Variants in GRM5 observed in about 807,000 individuals in gnomAD.
The protein encoded by GRM5 is metabotropic glutamate receptor 5.
Under a neutral mutation model 83.1 loss-of-function variants are expected in GRM5, and 19 were observed. That is an observed-to-expected ratio of 0.23 (90% CI 0.16 to 0.34). GRM5 has a LOEUF of 0.34. GRM5 is among the 10% of genes least tolerant of loss of function. GRM5 has a pLI of 1.00. For missense variants in GRM5, 1,160 were observed against 1,588.3 expected, an observed-to-expected ratio of 0.73 and a Z score of 4.58; for synonymous variants, 675 against 633.6, an observed-to-expected ratio of 1.07 and a Z score of -0.98.
At chr11:88,525,148 G>A (rs188111605) in intron 9 of GRM5, among the ~76,000 whole-genome samples, 161 bp downstream of exon 9, 10 of 152,282 alleles carry the variant, frequency 6.6e-5, no homozygotes, top group African/African-American at 2.2e-4. Context: ...GGTGTCATAG[G>A]TTTTGCAAAT....
At chr11:88,615,364 C>T (rs559050410) in intron 4 of GRM5, among the ~76,000 whole-genome samples, 1 of 152,192 alleles carries the variant, frequency 6.6e-6, no homozygotes, top group South Asian at 2.1e-4. Flanking sequence ...CATTTTGATG[C>T]TTATGTATTT....
intron 1 of GRM5, among the ~76,000 whole-genome samples, chr11:89,063,999 C>T (rs79192067): frequency 0.1 from 15,498 of 152,168 alleles, 1,871 homozygotes; most frequent in African/African-American, 0.29. Context: ...CCTGTGCCTT[C>T]CTCAGACAGG....
chr11:88,850,278 C>A, intron 2 of GRM5, 123 bp from the exon 3 acceptor site: 1 of 804,110 alleles, frequency 1.2e-6, no homozygotes, highest in East Asian at 2.5e-5. Flanking sequence ...AACCTGAAGA[C>A]CTGAATTTTG....
At chr11:88,727,855 C>T (rs1221273470) in intron 3 of GRM5, among the ~76,000 whole-genome samples, 4 of 152,136 alleles carry the variant, frequency 2.6e-5, no homozygotes, top group Admixed American at 1.3e-4. Flanking sequence ...CACAACGTAC[C>T]AGAATCTCTG....
chr11:88,960,789 C>A (rs1165405000), intron 2 of GRM5, among the ~76,000 whole-genome samples: 7 of 152,144 alleles, frequency 4.6e-5, no homozygotes, highest in Non-Finnish European at 8.8e-5. Context: ...AATAACATCA[C>A]AGATCTGAAA....
At chr11:88,951,627 C>G (rs980236868) in intron 2 of GRM5, among the ~76,000 whole-genome samples, 2 of 152,188 alleles carry the variant, frequency 1.3e-5, no homozygotes, top group Non-Finnish European at 2.9e-5. Context: ...GAAATATTGT[C>G]TATTTAACAG....
intron 3 of GRM5, among the ~76,000 whole-genome samples, chr11:88,783,587 C>A (rs1943014063): frequency 6.6e-6 from 1 of 151,964 alleles, no homozygotes; most frequent in Non-Finnish European, 1.5e-5. Flanking sequence ...AAACAATAAC[C>A]ATGATTTTCC....
chr11:88,787,598 T>C (rs1199479471), intron 3 of GRM5, among the ~76,000 whole-genome samples: 2 of 152,098 alleles, frequency 1.3e-5, no homozygotes, highest in East Asian at 3.9e-4. Context: ...ACTGGAATAA[T>C]AGGAGGCTCT....
chr11:88,668,016 A>T (rs1940088810), intron 3 of GRM5, among the ~76,000 whole-genome samples: 1 of 152,194 alleles, frequency 6.6e-6, no homozygotes, highest in South Asian at 2.1e-4. Flanking sequence ...CACAAGTTAT[A>T]CACTAAAAAG....
chr11:88,882,634 C>G (rs2135574908), intron 2 of GRM5, among the ~76,000 whole-genome samples: 1 of 151,536 alleles, frequency 6.6e-6, no homozygotes, highest in Non-Finnish European at 1.5e-5. Flanking sequence ...GTGGAGACTA[C>G]AATTTATTTA....
At chr11:88,714,653 A>G (rs1941360845) in intron 3 of GRM5, among the ~76,000 whole-genome samples, 1 of 151,856 alleles carries the variant, frequency 6.6e-6, no homozygotes, top group Admixed American at 6.6e-5. Flanking sequence ...AAGTGCATTT[A>G]CAGTCACTTC....
At chr11:88,941,558 GGA>G in intron 2 of GRM5, among the ~76,000 whole-genome samples, 1 of 92,586 alleles carries the variant, frequency 1.1e-5, no homozygotes, top group African/African-American at 4.0e-5. Flanking sequence ...AGGAGGAGGA[GGA>G]GAGGAGGAGA....
chr11:88,562,286 A>G (rs1042653418), intron 8 of GRM5, among the ~76,000 whole-genome samples: 1 of 152,116 alleles, frequency 6.6e-6, no homozygotes, highest in African/African-American at 2.4e-5. Flanking sequence ...TAATTTTTCA[A>G]AGAATATACT....
intron 2 of GRM5, among the ~76,000 whole-genome samples, chr11:88,973,561 ATTAGTTGAAAGAAGC>A (rs1157025818): frequency 6.6e-6 from 1 of 152,132 alleles, no homozygotes; most frequent in Non-Finnish European, 1.5e-5. Context: ...GATAACCAAC[ATTAGTTGAAAGAAGC>A]AAGGAACAGA....
intron 2 of GRM5, among the ~76,000 whole-genome samples, chr11:89,035,015 A>G (rs1941352717): frequency 1.3e-5 from 2 of 151,568 alleles, no homozygotes; most frequent in South Asian, 2.1e-4. Flanking sequence ...AGTTATTTAC[A>G]TGTTTTTGTA....
intron 3 of GRM5, among the ~76,000 whole-genome samples, chr11:88,656,342 T>C (rs970143039): frequency 3.3e-5 from 5 of 152,198 alleles, no homozygotes; most frequent in Admixed American, 2.6e-4. Context: ...TTCCGTTGTT[T>C]GGATTTACAG....
intron 8 of GRM5, among the ~76,000 whole-genome samples, chr11:88,533,857 G>A (rs758163073): frequency 2.6e-5 from 4 of 152,160 alleles, no homozygotes; most frequent in Non-Finnish European, 5.9e-5. Context: ...TCGTGGGCCA[G>A]GCCTCGGGTC....
At chr11:89,046,591 A>T (rs1265622255) in intron 2 of GRM5, among the ~76,000 whole-genome samples, 1 of 152,238 alleles carries the variant, frequency 6.6e-6, no homozygotes, top group Non-Finnish European at 1.5e-5. Flanking sequence ...AAGAAGCAAT[A>T]AATTTTAAAA....
intron 2 of GRM5, among the ~76,000 whole-genome samples, chr11:88,928,745 G>A (rs186715382): frequency 1.9e-3 from 282 of 152,010 alleles, no homozygotes; most frequent in African/African-American, 6.2e-3. Flanking sequence ...TATTCCAAAC[G>A]TGGGTCTGTG....
Sources: gnomAD v4.1 joint callset for allele counts (sites outside exome capture counted in the v4.1 genomes callset) on GRCh38, gnomAD v4.1.1 for gene constraint, MANE v1.5 for transcripts, NCBI Gene and HGNC (gene_info 2026-07-23, HGNC 2026-07-21) for gene names.